Variants in IMMT observed in about 807,000 individuals in gnomAD.
The protein encoded by IMMT is MICOS complex subunit MIC60.
IMMT carries 40 observed loss-of-function variants against 92.7 expected under a neutral mutation model. The ratio of observed to expected loss-of-function variants is 0.43; its 90% CI spans 0.34 to 0.56. The LOEUF (loss-of-function observed/expected upper bound fraction) is 0.56. Ranked by LOEUF, IMMT falls within the 20% of genes least tolerant of loss-of-function variation. The probability of loss-of-function intolerance (pLI) is 0.03; values close to 1 mark genes in which losing one functional copy is unlikely to be tolerated. For synonymous variants in IMMT, 322 were observed against 336.1 expected, an observed-to-expected ratio of 0.96 and a Z score of 0.46; for missense variants, 831 against 912.1, an observed-to-expected ratio of 0.91 and a Z score of 1.14.
At chr2:86,179,702 G>A (rs182495295) in intron 2 of IMMT, 80 bp from the exon 3 acceptor site, 43 of 1,195,576 alleles carry the variant, frequency 3.6e-5, no homozygotes, top group South Asian at 2.9e-4. Context: ...TAACCATCTC[G>A]AAGACCTCTA....
chr2:86,153,135 T>C (rs965122986), intron 11 of IMMT, among the ~76,000 whole-genome samples: 2 of 152,174 alleles, frequency 1.3e-5, no homozygotes, highest in African/African-American at 2.4e-5. Context: ...AAGAATGTGA[T>C]ATTTGAGTCT....
chr2:86,152,912 A>G (rs1675580792), intron 11 of IMMT, among the ~76,000 whole-genome samples: 1 of 152,180 alleles, frequency 6.6e-6, no homozygotes, highest in African/African-American at 2.4e-5. Flanking sequence ...GCAAAAAACA[A>G]AAAGGGGCAA....
chr2:86,187,877 A>G (rs1275822031), intron 1 of IMMT, among the ~76,000 whole-genome samples: 1 of 150,332 alleles, frequency 6.7e-6, no homozygotes, highest in African/African-American at 2.4e-5. Flanking sequence ...GCGCCACTGC[A>G]CTCCAGCCTG....
intron 7 of IMMT, among the ~76,000 whole-genome samples, chr2:86,163,159 G>A (rs957454411): frequency 1.6e-4 from 24 of 151,754 alleles, no homozygotes; most frequent in Admixed American, 8.5e-4. Context: ...CCATTTCAAC[G>A]AAATAAAAAA....
At chr2:86,168,537 C>T (rs1676874838) in intron 6 of IMMT, among the ~76,000 whole-genome samples, 1 of 152,102 alleles carries the variant, frequency 6.6e-6, no homozygotes, top group Non-Finnish European at 1.5e-5. Context: ...GCAGGAAAAT[C>T]GCTTGAACCT....
intron 1 of IMMT, among the ~76,000 whole-genome samples, chr2:86,190,086 G>C (rs1226897969): frequency 6.6e-6 from 1 of 152,146 alleles, no homozygotes; most frequent in East Asian, 1.9e-4. Context: ...AAGTTACGGC[G>C]TAAGATGTAT....
chr2:86,151,672 C>T, intron 11 of IMMT, 152 bp from the exon 12 acceptor site: 1 of 652,722 alleles, frequency 1.5e-6, no homozygotes, highest in East Asian at 2.7e-5. Context: ...CCAGTTCAAT[C>T]AGAAATTGGC....
intron 10 of IMMT, 101 bp downstream of exon 10, chr2:86,158,491 A>G: frequency 1.1e-6 from 1 of 936,412 alleles, no homozygotes; most frequent in South Asian, 1.7e-5. Context: ...ATATGCATGC[A>G]TGCCAGAGGG....
At position 86,170,791 on chromosome 2, in the gene IMMT, G is replaced by A. The variant is rs747525562; in HGVS notation, c.613C>T (p.Arg205Cys). Residue 205 changes from arginine (R) to cysteine (C), a missense_variant, in exon 6 of 15, where the codon CGC becomes TGC. Arg to Cys is a radical substitution (Grantham distance 180, BLOSUM62 -3). Transcript: ENST00000410111. ...TCTTGTTTTTCCTGTTGTGCAAGGCGAGCTGCAACTTCTTCAGGTGGTCGC... is the reference window on the plus strand; with the variant it reads ...TCTTGTTTTTCCTGTTGTGCAAGGCAAGCTGCAACTTCTTCAGGTGGTCGC... ...RERPPEEVAA[R>C]LAQQEKQEQV... 1.5e-5 allele frequency: 24 copies of A among 1,590,568 alleles called. No individual in the cohort carries two copies. Among genetic ancestry groups the A allele is most frequent in the South Asian group, 1.1e-4 (10 of 87,420 alleles).
chr2:86,148,347 A>G (rs13018652), intron 12 of IMMT, among the ~76,000 whole-genome samples: 68,143 of 152,002 alleles, frequency 0.45, 15,925 homozygotes, highest in Non-Finnish European at 0.51. Flanking sequence ...GGTGGCTCAC[A>G]CCTGTAATCC....
intron 8 of IMMT, among the ~76,000 whole-genome samples, chr2:86,161,614 G>A (rs182835168): frequency 0.023 from 3,272 of 145,176 alleles, 64 homozygotes; most frequent in Non-Finnish European, 0.034. Flanking sequence ...CCTGGGTTGA[G>A]GTGATTCTCC....
intron 7 of IMMT, among the ~76,000 whole-genome samples, chr2:86,164,394 G>A (rs2105030815): frequency 6.6e-6 from 1 of 151,512 alleles, no homozygotes; most frequent in South Asian, 2.1e-4. Flanking sequence ...CATCAAGAAT[G>A]TATACTGATT....
intron 4 of IMMT, among the ~76,000 whole-genome samples, chr2:86,171,823 C>CA (rs1351236102): frequency 2.0e-5 from 3 of 150,386 alleles, no homozygotes; most frequent in Non-Finnish European, 3.0e-5. Flanking sequence ...TCACAGTGAT[C>CA]AAGAACAGAA....
At chr2:86,185,865 G>A (rs146572289) in intron 1 of IMMT, among the ~76,000 whole-genome samples, 7 of 152,150 alleles carry the variant, frequency 4.6e-5, no homozygotes, top group Non-Finnish European at 7.3e-5. Context: ...GTAAAACCAG[G>A]AGCCCAAAGG....
At chr2:86,174,321 T>C (rs763891136) in intron 3 of IMMT, among the ~76,000 whole-genome samples, 1 of 152,220 alleles carries the variant, frequency 6.6e-6, no homozygotes, top group Non-Finnish European at 1.5e-5. Context: ...CTGCCAGATA[T>C]GTGCCAGAGA....
intron 4 of IMMT, among the ~76,000 whole-genome samples, chr2:86,172,033 A>C (rs1677131565): frequency 6.9e-6 from 1 of 144,672 alleles, no homozygotes; most frequent in Non-Finnish European, 1.5e-5. Flanking sequence ...TGGCACTATC[A>C]TGGCTCACTG....
chr2:86,150,063 T>C (rs1675355348), intron 12 of IMMT, among the ~76,000 whole-genome samples: 1 of 152,160 alleles, frequency 6.6e-6, no homozygotes, highest in Admixed American at 6.5e-5. Context: ...TGATTTGGGC[T>C]GGAATAGCTG....
At chr2:86,177,653 C>A (rs1036625525) in intron 3 of IMMT, among the ~76,000 whole-genome samples, 2 of 151,812 alleles carry the variant, frequency 1.3e-5, no homozygotes, top group Non-Finnish European at 2.9e-5. Flanking sequence ...AAAAGGAATA[C>A]ACACAAAGTT....
chr2:86,171,162 ATGAGTG>A, intron 5 of IMMT, 40 bp downstream of exon 5: 1 of 1,498,870 alleles, frequency 6.7e-7, no homozygotes, highest in South Asian at 1.2e-5. Context: ...AATAGTTCTG[ATGAGTG>A]TATCATGTAT....
Sources: gnomAD v4.1 joint callset for allele counts (sites outside exome capture counted in the v4.1 genomes callset) on GRCh38, gnomAD v4.1.1 for gene constraint, MANE v1.5 for transcripts, NCBI Gene and HGNC (gene_info 2026-07-23, HGNC 2026-07-21) for gene names.